The following JMJD8 variants were observed in gnomAD, a reference collection of about 807,000 sequenced individuals.
JMJD8 encodes jmjC domain-containing protein 8.
Under a neutral mutation model 37.6 loss-of-function variants are expected in JMJD8, and 56 were observed. The observed-to-expected ratio is 1.49, with a 90% CI of 1.20 to 1.86. The LOEUF (loss-of-function observed/expected upper bound fraction) is 1.86, where lower values mean the gene tolerates loss of function less well. JMJD8 is among the 40% of genes most tolerant of loss of function. The probability of loss-of-function intolerance (pLI) is 0.00; values close to 1 mark genes in which losing one functional copy is unlikely to be tolerated. For synonymous variants in JMJD8, 261 were observed against 163.7 expected (o/e 1.59, Z -4.54); for missense variants, 542 against 362.7 (o/e 1.49, Z -4.01).
chr16:682,962 C>T lies in JMJD8; in HGVS notation c.705G>A (p.Arg235=). The T allele has an allele frequency of 1.2e-6, 2 of 1,612,876 alleles. No individual in the cohort carries two copies. The highest frequency in any genetic ancestry group is 1.7e-6 in the Non-Finnish European group (2 of 1,179,662). Residue 235 remains arginine, a synonymous_variant, in exon 8 of 9, where the codon CGG becomes CGA. Coordinates refer to ENST00000609261, the MANE Select transcript of JMJD8 (RefSeq NM_001005920.4). ...CCTGCCAGCCACTGACCTCACCAGC[C>T]CGGATGGTACACTCCAGGGGCCGTG... ...PSARPLECTI[R]AGEVLYFPDR...
chr16:682,925 G>C lies in JMJD8; in HGVS notation c.714+28C>G, dbSNP rs767439788. 44 of 1,611,670 alleles carry C rather than the reference G, an allele frequency of 2.7e-5. 2 individuals carry two copies. The South Asian group carries it at 4.7e-4, about 17-fold the overall frequency. On this transcript the variant is annotated intron_variant, in intron 8 of 8. Coordinates refer to ENST00000609261, the MANE Select transcript of JMJD8 (RefSeq NM_001005920.4). ...AGATTAGCTGCGGGCCTCTAGCCTG[G>C]CCTGGCCCTCTCCTGCCAGCCACTG...
rs765156626 is a variant in JMJD8, at chr16:682,818, G to A, written c.771C>T (p.Val257=). The A allele has an allele frequency of 4.3e-6, 7 of 1,612,910 alleles. No individual in the cohort carries two copies. The highest frequency in any genetic ancestry group is 4.5e-5 in the East Asian group (2 of 44,898). The change falls in exon 9 of 9, where the codon GTC becomes GTT. Residue 257 remains valine (V), a synonymous_variant. Transcript: ENST00000609261. The part of the protein sequence containing the change: ...WHATLNLDTS[V]FISTFLG Reference sequence around the variant, plus strand: ...GCTAGCCGAGGAAGGTGGAGATGAAGACGCTGGTGTCAAGGTTGAGCGTAG... The same window carrying A: ...GCTAGCCGAGGAAGGTGGAGATGAAAACGCTGGTGTCAAGGTTGAGCGTAG...
At position 683,308 on chromosome 16, in the gene JMJD8, C is replaced by G. The variant is rs771774161; in HGVS notation, c.511+14G>C. On this transcript the variant is annotated intron_variant, in intron 6 of 8. Transcript: ENST00000609261. ...CAGAAGCCTCAGTCCTTCCCAGTCC[C>G]AAGAAGCACCCACCTGCGATTCCAA... 3.2e-5 allele frequency: 52 copies of G among 1,604,862 alleles called. No homozygotes were observed. The highest frequency in any genetic ancestry group is 4.3e-5 in the Non-Finnish European group (50 of 1,175,782).
rs2039774453 is a variant in JMJD8, at chr16:683,380, G to A, written c.453C>T (p.Tyr151=). ...FTEWASLFRH[Y]SPPPFGLLGT... ...CCAGCAGGCCAAATGGGGGTGGGGA[G>A]TAGTGCCGAAAGAGAGAGGCCCACT... Residue 151 remains tyrosine (Y), a synonymous_variant, in exon 6 of 9, where the codon TAC becomes TAT. Transcript: ENST00000609261. The A allele has an allele frequency of 1.2e-5, 18 of 1,556,952 alleles. No homozygotes were observed. The highest frequency in any genetic ancestry group is 1.6e-5 in the Non-Finnish European group (18 of 1,150,032).
At position 684,308 on chromosome 16, in the gene JMJD8, C is replaced by G; in HGVS notation, c.12G>C (p.Ala4=). Reference sequence around the variant, plus strand: ...GCGCCCAGAGCGCGAGCAACCGCGACGCCGGCGCCATGAGCCTGCCGCCCT... The same window carrying G: ...GCGCCCAGAGCGCGAGCAACCGCGAGGCCGGCGCCATGAGCCTGCCGCCCT... MAP[A]SRLLALWALA... Residue 4 remains alanine (A), a synonymous_variant, in exon 1 of 9, where the codon GCG becomes GCC. Coordinates refer to ENST00000609261, the MANE Select transcript of JMJD8 (RefSeq NM_001005920.4). 1.3e-6 allele frequency: 2 copies of G among 1,486,122 alleles called. No homozygotes were observed. Among genetic ancestry groups the G allele is most frequent in the Non-Finnish European group, 1.8e-6 (2 of 1,126,104 alleles). 92.1% of individuals were successfully genotyped at this position (1,486,122 alleles called of 1,614,324 possible).
In JMJD8 at chr16:683,037, C is replaced by G; in HGVS notation, c.630G>C (p.Lys210Asn). The change falls in exon 8 of 9, where the codon AAG (lysine) becomes AAC (asparagine). Residue 210 changes from lysine (K) to asparagine (N), a missense_variant. Coordinates refer to ENST00000609261, the MANE Select transcript of JMJD8 (RefSeq NM_001005920.4). ...PEKTPEFHPNKTTLAWLRDTY... is the reference protein window; with the variant it reads ...PEKTPEFHPNNTTLAWLRDTY... The stretch of plus-strand genomic sequence containing the variant: ...TGTCCCGGAGCCAGGCCAGCGTGGT[C>G]TTGTTGGGGTGGAACTCTGGCGTCT... 1 of 1,613,506 alleles carries G rather than the reference C, an allele frequency of 6.2e-7. No individual in the cohort carries two copies. Among genetic ancestry groups the G allele is most frequent in the Admixed American group, 1.7e-5 (1 of 60,030 alleles).
chr16:682,664 T>G lies in JMJD8; in HGVS notation c.*130A>C. 1 of 1,403,144 alleles carries G rather than the reference T, an allele frequency of 7.1e-7. No homozygotes were observed. The allele number at this position is 1,403,144 out of a possible 1,614,324, so 86.9% of individuals were successfully genotyped here. On this transcript the variant is annotated 3_prime_UTR_variant, in exon 9 of 9. Transcript: ENST00000609261. Reference sequence around the variant, plus strand: ...TTTGCTGGGCCGTGATCGTCCCCCTTTGTGGGCTGGAAAAGCAGGTGAGGG... The same window carrying G: ...TTTGCTGGGCCGTGATCGTCCCCCTGTGTGGGCTGGAAAAGCAGGTGAGGG...
In JMJD8 at chr16:681,920, G is replaced by A. The variant is rs999630602; in HGVS notation, c.*874C>T. The A allele has an allele frequency of 6.2e-7, 1 of 1,612,578 alleles. No individual in the cohort carries two copies. The highest frequency in any genetic ancestry group is 1.3e-5 in the African/African-American group (1 of 74,946). ...CACCCACATGTGGGTCTGTGTGTGTGCACGTGGCGTGGGAGCATCCCCGCC... is the reference window on the plus strand; with the variant it reads ...CACCCACATGTGGGTCTGTGTGTGTACACGTGGCGTGGGAGCATCCCCGCC... On this transcript the variant is annotated 3_prime_UTR_variant, in exon 9 of 9. Coordinates refer to ENST00000609261, the MANE Select transcript of JMJD8 (RefSeq NM_001005920.4).
chr16:683,732 T>C lies in JMJD8; in HGVS notation c.275A>G (p.Asp92Gly). 6.2e-7 allele frequency: 1 copy of C among 1,609,788 alleles called. No homozygotes were observed. Among genetic ancestry groups the C allele is most frequent in the Non-Finnish European group, 8.5e-7 (1 of 1,178,678 alleles). Residue 92 changes from aspartate (D) to glycine (G), a missense_variant, in exon 4 of 9, where the codon GAC (aspartate) becomes GGC (glycine). By Grantham distance (94) the Asp-to-Gly change is moderately conservative (BLOSUM62 -1). Transcript: ENST00000609261. ...SRDRLLASFG[D>G]RVVRLSTANT... ...GGCGGTGCTCAGCCGGACCACTCTG[T>C]CCCCAAACGAAGCCAGCAACCTGTC...
At position 684,277 on chromosome 16, in the gene JMJD8, C is replaced by T. The variant is rs568413314; in HGVS notation, c.43G>A (p.Ala15Thr). The T allele has an allele frequency of 4.2e-6, 6 of 1,444,838 alleles. No individual in the cohort carries two copies. The African/African-American group carries it at 7.4e-5, about 18-fold the overall frequency. The allele number at this position is 1,444,838 out of a possible 1,614,324, so 89.5% of individuals were successfully genotyped here. ...GCCCCGGAGCCGGGTAGAGCCACAG[C>T]CGCCAGCGCCCAGAGCGCGAGCAAC... The part of the protein sequence containing the change: ...SRLLALWALA[A>T]VALPGSGAEG... The change falls in exon 1 of 9, where the codon GCT becomes ACT. Residue 15 changes from alanine to threonine, a missense_variant. Physicochemically the swap from Ala to Thr is moderately conservative, Grantham distance 58 (BLOSUM62 0). Coordinates refer to ENST00000609261, the MANE Select transcript of JMJD8 (RefSeq NM_001005920.4).
In JMJD8 at chr16:682,043, C is replaced by A; in HGVS notation, c.*751G>T. On this transcript the variant is annotated 3_prime_UTR_variant, in exon 9 of 9. Transcript: ENST00000609261. The stretch of plus-strand genomic sequence containing the variant: ...AGGACAAGTACATGGCGGACATGGA[C>A]GAGCTTTTTTCTCAGGTGGATGAGA... 6.3e-7 allele frequency: 1 copy of A among 1,588,860 alleles called. No homozygotes were observed. The highest frequency in any genetic ancestry group is 8.6e-7 in the Non-Finnish European group (1 of 1,162,060).
rs929852290 is a variant in JMJD8 at position 684,285 on chromosome 16, G to A, written c.35C>T (p.Ala12Val). ...APASRLLALW[A>V]LAAVALPGSG... ...GCCGGGTAGAGCCACAGCCGCCAGCGCCCAGAGCGCGAGCAACCGCGACGC... is the reference window on the plus strand; with the variant it reads ...GCCGGGTAGAGCCACAGCCGCCAGCACCCAGAGCGCGAGCAACCGCGACGC... Residue 12 changes from alanine to valine, a missense_variant, in exon 1 of 9, where the codon GCG becomes GTG. Ala to Val is a moderately conservative substitution (Grantham distance 64). Transcript: ENST00000609261. 2.5e-5 allele frequency: 36 copies of A among 1,459,498 alleles called. No homozygotes were observed. The highest frequency in any genetic ancestry group is 4.4e-5 in the African/African-American group (3 of 67,582). 90.4% of individuals were successfully genotyped at this position (1,459,498 alleles called of 1,614,324 possible).
Position 683,795 on chromosome 16 carries a change from G to T in JMJD8, c.226-14C>A. Reference sequence around the variant, plus strand: ...GGCCCGGAACCTCTGCGGGGGCGGGGAGGGGACTTAGTGGCCGGGCCCAGC... The same window carrying T: ...GGCCCGGAACCTCTGCGGGGGCGGGTAGGGGACTTAGTGGCCGGGCCCAGC... On this transcript the variant is annotated splice_polypyrimidine_tract_variant and intron_variant, in intron 3 of 8. Transcript: ENST00000609261. 2 of 1,598,262 alleles carry T rather than the reference G, an allele frequency of 1.3e-6. No homozygotes were observed. The highest frequency in any genetic ancestry group is 8.5e-7 in the Non-Finnish European group (1 of 1,173,366).
intron 4 of JMJD8, 28 bp from the exon 5 acceptor site, chr16:683,626 T>G: frequency 6.3e-7 from 1 of 1,576,724 alleles, no homozygotes; most frequent in Non-Finnish European, 8.6e-7. Flanking sequence ...GTCAGGACCG[T>G]CTGGTCCAGC....
rs369324746 is a variant in JMJD8 at position 683,843 on chromosome 16, G to A, written c.225+18C>T. The A allele has an allele frequency of 3.8e-6, 6 of 1,584,096 alleles. No homozygotes were observed. The South Asian group carries it at 5.7e-5, about 15-fold the overall frequency. On this transcript the variant is annotated intron_variant, in intron 3 of 8. Coordinates refer to ENST00000609261, the MANE Select transcript of JMJD8 (RefSeq NM_001005920.4). ...AGCACGGGCGAGAGTGGCCGGGGACGGACGGGCACGCGCTCACCGAGTTGT... is the reference window on the plus strand; with the variant it reads ...AGCACGGGCGAGAGTGGCCGGGGACAGACGGGCACGCGCTCACCGAGTTGT...
Position 683,460 on chromosome 16 carries a change from G to A in JMJD8, c.392-19C>T, listed in dbSNP as rs371834854. 6.4e-4 allele frequency: 985 copies of A among 1,550,338 alleles called. 16 individuals are homozygous for A. The South Asian group carries it at 0.011, about 18-fold the overall frequency. On this transcript the variant is annotated intron_variant, in intron 5 of 8. Coordinates refer to ENST00000609261, the MANE Select transcript of JMJD8 (RefSeq NM_001005920.4). ...AGGGTGTCTGCCAACAGAGACGGCG[G>A]GGACAGGGATCCTGGCACCTGGAGA...
chr16:683,171 C>A lies in JMJD8; in HGVS notation c.575G>T (p.Arg192Leu), dbSNP rs370082299. The A allele has an allele frequency of 2.9e-4, 462 of 1,613,254 alleles. No homozygotes were observed. Among genetic ancestry groups the A allele is most frequent in the Non-Finnish European group, 3.8e-4 (447 of 1,179,874 alleles). The change falls in exon 7 of 9, where the codon CGT becomes CTT. Residue 192 changes from arginine to leucine, a missense_variant. Transcript: ENST00000609261. ...CAACCCCCACCCCGTGCTGACCTTA[C>A]GACCGTAGATCACTTCTGAGTACCC... ...GPGYSEVIYG[R>L]KRWFLYPPEK...
At chr16:683,277 C>T (rs1368836248) in intron 6 of JMJD8, 43 bp from the exon 7 acceptor site, 2 of 1,612,670 alleles carry the variant, frequency 1.2e-6, no homozygotes, top group Admixed American at 1.7e-5. Flanking sequence ...ATTTTGTACT[C>T]ACCGACAGAA....
At position 682,822 on chromosome 16, in the gene JMJD8, C is replaced by T. The variant is rs2039731196; in HGVS notation, c.767G>A (p.Ser256Asn). Residue 256 changes from serine to asparagine, a missense_variant, in exon 9 of 9, where the codon AGC (serine) becomes AAC (asparagine). Ser to Asn is a conservative substitution (Grantham distance 46). Coordinates refer to ENST00000609261, the MANE Select transcript of JMJD8 (RefSeq NM_001005920.4). ...WWHATLNLDTSVFISTFLG is the reference protein window; with the variant it reads ...WWHATLNLDTNVFISTFLG The stretch of plus-strand genomic sequence containing the variant: ...GCCGAGGAAGGTGGAGATGAAGACG[C>T]TGGTGTCAAGGTTGAGCGTAGCATG... The T allele has an allele frequency of 1.9e-6, 3 of 1,612,912 alleles. No individual in the cohort carries two copies. Among genetic ancestry groups the T allele is most frequent in the South Asian group, 2.2e-5 (2 of 91,076 alleles).
Sources: gnomAD v4.1 joint callset for allele counts on GRCh38, gnomAD v4.1.1 for gene constraint, MANE v1.5 for transcripts, NCBI Gene and HGNC (gene_info 2026-07-23, HGNC 2026-07-21) for gene names.